The following IKZF3 variants were observed in gnomAD, a reference collection of about 807,000 sequenced individuals.
IKZF3 encodes the protein zinc finger protein Aiolos.
A neutral mutation model predicts 49.0 loss-of-function variants in IKZF3; 10 were observed. The observed-to-expected ratio is 0.20, with a 90% CI of 0.13 to 0.35. The LOEUF (loss-of-function observed/expected upper bound fraction) is 0.35. Among genes scored for constraint, IKZF3 ranks in the 10% least tolerant of loss-of-function variants. The pLI, the probability that IKZF3 is intolerant of heterozygous loss-of-function variation, is 1.00. For missense variants in IKZF3, 498 were observed against 664.8 expected (o/e 0.75, Z 2.76); for synonymous variants, 209 against 228.2 (o/e 0.92, Z 0.76).
intron 3 of IKZF3, among the ~76,000 whole-genome samples, chr17:39,827,479 AT>A (rs1009872105): frequency 4.0e-5 from 6 of 149,680 alleles, no homozygotes; most frequent in South Asian, 2.1e-4. Flanking sequence ...TATTATTATA[AT>A]TTTTTTTTAT....
At chr17:39,845,875 C>CA (rs2062616167) in intron 1 of IKZF3, among the ~76,000 whole-genome samples, 1 of 152,082 alleles carries the variant, frequency 6.6e-6, no homozygotes, top group African/African-American at 2.4e-5. Flanking sequence ...AAAATTAATG[C>CA]GACTTTTCAG....
At chr17:39,780,193 C>A (rs1330040950) in intron 6 of IKZF3, among the ~76,000 whole-genome samples, 1 of 149,908 alleles carries the variant, frequency 6.7e-6, no homozygotes, top group African/African-American at 2.5e-5. Flanking sequence ...TTTGCACCAA[C>A]CTATTAGTGC....
At chr17:39,835,061 G>T (rs928189134) in intron 1 of IKZF3, 7 of 415,198 alleles carry the variant, frequency 1.7e-5, no homozygotes, top group African/African-American at 1.5e-4. Context: ...CACAGCCAAA[G>T]GAGCTGGAGC....
At chr17:39,822,502 GC>G (rs1250236134) in intron 3 of IKZF3, among the ~76,000 whole-genome samples, 1 of 151,766 alleles carries the variant, frequency 6.6e-6, no homozygotes, top group African/African-American at 2.4e-5. Context: ...GTTTCCTGAG[GC>G]CTCCCCAGCC....
intron 1 of IKZF3, among the ~76,000 whole-genome samples, chr17:39,861,738 G>A (rs1417085110): frequency 6.6e-6 from 1 of 152,038 alleles, no homozygotes; most frequent in Non-Finnish European, 1.5e-5. Flanking sequence ...GACAAAAATT[G>A]TACAATATCC....
intron 3 of IKZF3, among the ~76,000 whole-genome samples, chr17:39,815,429 CA>C (rs2061657060): frequency 6.6e-6 from 1 of 152,224 alleles, no homozygotes; most frequent in Non-Finnish European, 1.5e-5. Context: ...AGTACACTAG[CA>C]TGAAACACAT....
chr17:39,839,998 T>C (rs1170714544), intron 1 of IKZF3, among the ~76,000 whole-genome samples: 6 of 152,084 alleles, frequency 3.9e-5, no homozygotes, highest in African/African-American at 7.2e-5. Context: ...CTAACTTGCC[T>C]TGGCTTAAAC....
intron 3 of IKZF3, among the ~76,000 whole-genome samples, chr17:39,817,461 T>C (rs947549484): frequency 6.6e-6 from 1 of 152,188 alleles, no homozygotes; most frequent in Non-Finnish European, 1.5e-5. Flanking sequence ...GGAGTCTTGC[T>C]ATATTGCCCA....
Position 39,788,209 on chromosome 17 carries a change from A to G in IKZF3, c.709+49T>C, listed in dbSNP as rs2060919605. 3.6e-6 allele frequency: 4 copies of G among 1,112,808 alleles called. No homozygotes were observed. The South Asian group carries it at 3.8e-5, about 11-fold the overall frequency. The allele number at this position is 1,112,808 out of a possible 1,614,324, so 68.9% of individuals were successfully genotyped here. Reference sequence around the variant, plus strand: ...GTCTTTTTACTTACTATTGTATCTCACCACCTAGGACAGCAGATGCTCACT... The same window carrying G: ...GTCTTTTTACTTACTATTGTATCTCGCCACCTAGGACAGCAGATGCTCACT... On this transcript the variant is annotated intron_variant, in intron 6 of 7. Coordinates refer to ENST00000346872, the MANE Select transcript of IKZF3 (RefSeq NM_012481.5).
At chr17:39,824,933 G>T (rs1367264214) in intron 3 of IKZF3, among the ~76,000 whole-genome samples, 1 of 152,110 alleles carries the variant, frequency 6.6e-6, no homozygotes, top group African/African-American at 2.4e-5. Flanking sequence ...CTGACCTCGT[G>T]ATCCTCCCGC....
chr17:39,772,451 T>A (rs777748610), intron 7 of IKZF3, among the ~76,000 whole-genome samples: 36 of 152,192 alleles, frequency 2.4e-4, no homozygotes, highest in Non-Finnish European at 4.0e-4. Flanking sequence ...ACTCTTACTA[T>A]CAGCACACAT....
chr17:39,852,327 T>C (rs1289667217), intron 1 of IKZF3, among the ~76,000 whole-genome samples: 1 of 152,268 alleles, frequency 6.6e-6, no homozygotes, highest in East Asian at 1.9e-4. Flanking sequence ...ATTCCCACTC[T>C]ACCCACTTCG....
intron 3 of IKZF3, among the ~76,000 whole-genome samples, chr17:39,795,078 T>A (rs371609804): frequency 7.9e-5 from 12 of 152,312 alleles, no homozygotes; most frequent in Admixed American, 3.3e-4. Flanking sequence ...TGTAGTAAGA[T>A]CAATGTGTTG....
At chr17:39,841,563 A>C (rs1266952115) in intron 1 of IKZF3, among the ~76,000 whole-genome samples, 1 of 152,138 alleles carries the variant, frequency 6.6e-6, no homozygotes, top group Non-Finnish European at 1.5e-5. Context: ...AACTGTGCTG[A>C]GTAGGAGATG....
chr17:39,832,365 T>C (rs2062134325), intron 1 of IKZF3, among the ~76,000 whole-genome samples: 1 of 152,020 alleles, frequency 6.6e-6, no homozygotes, highest in African/African-American at 2.4e-5. Context: ...AAGAACTTTC[T>C]GCCAGAGATC....
Position 39,829,466 on chromosome 17 carries a change from G to C in IKZF3, c.84C>G (p.Asp28Glu), listed in dbSNP as rs371101850. ...TTTCATGAGATTTGGTTAAACTGTA[G>C]TCATTCAAAACCGCTGCACTTTCTA... is the stretch of plus-strand genomic sequence containing the variant. ...VPAESAAVLN[D>E]YSLTKSHEME... The change falls in exon 3 of 8, where the codon GAC (aspartate) becomes GAG (glutamate). Residue 28 changes from aspartate (D) to glutamate (E), a missense_variant. Asp to Glu is a conservative substitution (Grantham distance 45). This residue lies in a region of IKZF3 where 97 missense variants were observed against 98.9 expected (regional missense o/e 0.98). Coordinates refer to ENST00000346872, the MANE Select transcript of IKZF3 (RefSeq NM_012481.5). The C allele has an allele frequency of 6.2e-7, 1 of 1,613,518 alleles. No homozygotes were observed. Among genetic ancestry groups the C allele is most frequent in the Non-Finnish European group, 8.5e-7 (1 of 1,179,596 alleles).
At chr17:39,779,714 C>T (rs1357540555) in intron 6 of IKZF3, among the ~76,000 whole-genome samples, 2 of 149,014 alleles carry the variant, frequency 1.3e-5, no homozygotes, top group African/African-American at 2.5e-5. Context: ...CACAAACAGG[C>T]CACTGGCTGC....
At chr17:39,793,125 AACACACATACTT>A (rs1372311705) in intron 3 of IKZF3, among the ~76,000 whole-genome samples, 192 bp from the exon 4 acceptor site, 2 of 152,254 alleles carry the variant, frequency 1.3e-5, no homozygotes, top group Admixed American at 6.5e-5. Flanking sequence ...GTCAGAGGAA[AACACACATACTT>A]ACACACATAA....
At position 39,852,478 on chromosome 17, in the gene IKZF3, C is replaced by T. The variant is rs1340059163; in HGVS notation, c.7+11642G>A. 2.0e-5 allele frequency among the ~76,000 whole-genome samples: 3 copies of T among 152,318 alleles called. No homozygotes were observed. The South Asian group carries it at 6.2e-4, about 32-fold the overall frequency. On this transcript the variant is annotated intron_variant, in intron 1 of 7. Transcript: ENST00000346872. ...CACATTCAACATAGCTGACCACCCA[C>T]TCCTTCATGAAATACTCCCCTTTCT...
Sources: allele counts gnomAD v4.1 joint callset (sites outside exome capture counted in the v4.1 genomes callset), GRCh38; gene constraint gnomAD v4.1.1; regional missense constraint gnomAD v4.1.1; transcripts MANE v1.5; gene names NCBI Gene and HGNC (gene_info 2026-07-23, HGNC 2026-07-21).